The following JADE1 variants were observed in gnomAD, a reference collection of about 807,000 sequenced individuals.
The protein encoded by JADE1 is jade family PHD finger 1, also known as protein Jade-1.
A neutral mutation model predicts 81.8 loss-of-function variants in JADE1; 14 were observed. The observed-to-expected ratio is 0.17, with a 90% CI of 0.11 to 0.27. JADE1 has a LOEUF of 0.27. Ranked by LOEUF, JADE1 falls within the 10% of genes least tolerant of loss-of-function variation. The pLI is 1.00. For synonymous variants in JADE1, 353 were observed against 391.9 expected, an observed-to-expected ratio of 0.90 and a Z score of 1.17; for missense variants, 690 against 1,047.9, an observed-to-expected ratio of 0.66 and a Z score of 4.71.
intron 2 of JADE1, among the ~76,000 whole-genome samples, chr4:128,832,239 A>G (rs1279655695): frequency 6.6e-6 from 1 of 152,248 alleles, no homozygotes; most frequent in African/African-American, 2.4e-5. Context: ...GGTTCTTAAT[A>G]GGTCGAAAGT....
At chr4:128,834,213 C>G (rs1039687648) in intron 2 of JADE1, among the ~76,000 whole-genome samples, 1 of 152,162 alleles carries the variant, frequency 6.6e-6, no homozygotes, top group African/African-American at 2.4e-5. Context: ...AATTTGTTTT[C>G]TCACAGTTCT....
At chr4:128,823,455 G>C (rs1727759756) in intron 1 of JADE1, among the ~76,000 whole-genome samples, 1 of 152,146 alleles carries the variant, frequency 6.6e-6, no homozygotes, top group South Asian at 2.1e-4. Context: ...ATGCTCCTAA[G>C]AGTAAATATT....
At chr4:128,822,168 T>G (rs1410297603) in intron 1 of JADE1, among the ~76,000 whole-genome samples, 3 of 152,182 alleles carry the variant, frequency 2.0e-5, no homozygotes, top group Non-Finnish European at 4.4e-5. Flanking sequence ...GAAGTTGTGC[T>G]TCCAGGTCTT....
intron 9 of JADE1, among the ~76,000 whole-genome samples, chr4:128,865,890 CAT>C (rs1466502803): frequency 6.6e-6 from 1 of 152,210 alleles, no homozygotes; most frequent in Admixed American, 6.5e-5. Context: ...ATTTCTATTA[CAT>C]GTCTGATTTG....
chr4:128,810,672 C>A (rs949235324), intron 1 of JADE1, among the ~76,000 whole-genome samples: 1 of 134,836 alleles, frequency 7.4e-6, no homozygotes. Context: ...AGCCCTGGCT[C>A]TTGTCACCGC....
chr4:128,833,824 G>GGT (rs1464911932), intron 2 of JADE1, among the ~76,000 whole-genome samples: 3 of 152,304 alleles, frequency 2.0e-5, no homozygotes, highest in African/African-American at 7.2e-5. Context: ...TTGAGCATCA[G>GGT]GTGTATGCTC....
At chr4:128,826,210 C>T (rs1305263837) in intron 1 of JADE1, among the ~76,000 whole-genome samples, 2 of 152,144 alleles carry the variant, frequency 1.3e-5, no homozygotes, top group Admixed American at 6.5e-5. Context: ...TGAGCCGTGT[C>T]GACTGGATCC....
intron 2 of JADE1, among the ~76,000 whole-genome samples, chr4:128,839,279 G>C (rs926531308): frequency 6.6e-6 from 1 of 152,190 alleles, no homozygotes; most frequent in African/African-American, 2.4e-5. Context: ...GGAGATGGAA[G>C]GCAGAGCAGT....
At chr4:128,847,953 C>G (rs577927867) in intron 4 of JADE1, among the ~76,000 whole-genome samples, 1 of 152,020 alleles carries the variant, frequency 6.6e-6, no homozygotes, top group East Asian at 1.9e-4. Flanking sequence ...TTTTTGGTTC[C>G]AAGTCGGGAG....
intron 1 of JADE1, among the ~76,000 whole-genome samples, chr4:128,813,180 T>C (rs540915647): frequency 6.6e-6 from 1 of 152,260 alleles, no homozygotes; most frequent in South Asian, 2.1e-4. Flanking sequence ...TCACAACTGA[T>C]CAAGATTTAA....
chr4:128,835,386 C>T (rs190170365), intron 2 of JADE1, among the ~76,000 whole-genome samples: 3 of 152,320 alleles, frequency 2.0e-5, no homozygotes, highest in Admixed American at 1.3e-4. Flanking sequence ...TGCACATACT[C>T]ATTGCCATGG....
intron 1 of JADE1, among the ~76,000 whole-genome samples, chr4:128,813,425 T>G (rs958112764): frequency 7.5e-6 from 1 of 133,994 alleles, no homozygotes; most frequent in Non-Finnish European, 1.7e-5. Context: ...TTTTTTTTTT[T>G]TTGTTCCTTG....
chr4:128,820,532 GAGACCAA>G (rs1191257737), intron 1 of JADE1, among the ~76,000 whole-genome samples: 1 of 152,158 alleles, frequency 6.6e-6, no homozygotes, highest in Non-Finnish European at 1.5e-5. Flanking sequence ...TTCTAGGTTT[GAGACCAA>G]CTTAGGTTTC....
At chr4:128,813,171 C>T (rs889926124) in intron 1 of JADE1, among the ~76,000 whole-genome samples, 3 of 152,136 alleles carry the variant, frequency 2.0e-5, no homozygotes, top group Admixed American at 2.0e-4. Context: ...TTGATCATAT[C>T]ACAACTGATC....
chr4:128,831,422 G>A (rs191235618), intron 1 of JADE1: 12 of 315,794 alleles, frequency 3.8e-5, no homozygotes, highest in African/African-American at 2.6e-4. Flanking sequence ...TGCAGTGCTT[G>A]CTGCCAGTCA....
At chr4:128,841,256 T>C (rs1341204934) in intron 2 of JADE1, among the ~76,000 whole-genome samples, 1 of 152,136 alleles carries the variant, frequency 6.6e-6, no homozygotes, top group Non-Finnish European at 1.5e-5. Context: ...TTATTAAAAA[T>C]AGGAGGTGGA....
intron 1 of JADE1, among the ~76,000 whole-genome samples, chr4:128,825,088 G>C (rs183850931): frequency 2.0e-5 from 3 of 152,166 alleles, no homozygotes; most frequent in Admixed American, 2.0e-4. Context: ...TGCCCGGGCT[G>C]GGGTGCAGTG....
At chr4:128,825,691 C>G (rs1728000437) in intron 1 of JADE1, among the ~76,000 whole-genome samples, 1 of 152,226 alleles carries the variant, frequency 6.6e-6, no homozygotes, top group Non-Finnish European at 1.5e-5. Flanking sequence ...GCAGTGCAGA[C>G]ATTCCATATC....
Position 128,873,273 on chromosome 4 carries a change from GAAAAA to G in JADE1, c.*1014_*1018del, listed in dbSNP as rs1553953485. The G allele has an allele frequency of 1.3e-5, 1 of 78,660 alleles. No homozygotes were observed. Among genetic ancestry groups the G allele is most frequent in the Non-Finnish European group, 2.7e-5 (1 of 37,292 alleles). 4.9% of individuals were successfully genotyped at this position (78,660 alleles called of 1,614,324 possible). On this transcript the variant is annotated 3_prime_UTR_variant, in exon 11 of 11. Transcript: ENST00000226319. ...AGAAAAAGGAAAAAAAAAAAAAAAA[GAAAAA>G]AAGAAAAAAAAAAGAAAAAAGAAAA...
Sources: gnomAD v4.1 joint callset for allele counts (sites outside exome capture counted in the v4.1 genomes callset) on GRCh38, gnomAD v4.1.1 for gene constraint, MANE v1.5 for transcripts, NCBI Gene and HGNC (gene_info 2026-07-23, HGNC 2026-07-21) for gene names.